KMT2E: variants seen among roughly 807,000 people sequenced by gnomAD.
KMT2E encodes histone reader KMT2E.
Under a neutral mutation model 184.6 loss-of-function variants are expected in KMT2E, and 30 were observed. That is an observed-to-expected ratio of 0.16 (90% confidence interval 0.12 to 0.22). KMT2E has a LOEUF of 0.22. Ranked by LOEUF, KMT2E falls within the 10% of genes least tolerant of loss-of-function variation. KMT2E has a pLI of 1.00. For missense variants in KMT2E, 2,023 were observed against 2,237.4 expected (o/e 0.90, Z 1.93); for synonymous variants, 815 against 776.5 (o/e 1.05, Z -0.82).
At chr7:105,042,764 T>C (rs1795937593) in intron 3 of KMT2E, among the ~76,000 whole-genome samples, 1 of 152,242 alleles carries the variant, frequency 6.6e-6, no homozygotes, top group Non-Finnish European at 1.5e-5. Context: ...CATACAAATA[T>C]TTAAAAATAA....
At chr7:105,062,316 AT>A (rs1796848729) in intron 4 of KMT2E, 38 bp downstream of exon 4, 2 of 1,410,286 alleles carry the variant, frequency 1.4e-6, no homozygotes, top group Non-Finnish European at 2.0e-6. Context: ...ACATTTTTAA[AT>A]TTAGAGATTG....
intron 16 of KMT2E, 73 bp downstream of exon 16, chr7:105,101,662 T>C (rs763076901): frequency 2.3e-5 from 29 of 1,248,650 alleles, no homozygotes; most frequent in Non-Finnish European, 2.7e-5. Context: ...ATTAATTACT[T>C]ATAAGGAATT....
intron 1 of KMT2E, among the ~76,000 whole-genome samples, chr7:105,036,549 A>C (rs989215594): frequency 6.6e-6 from 1 of 152,168 alleles, no homozygotes; most frequent in Non-Finnish European, 1.5e-5. Flanking sequence ...TGATTTGGCT[A>C]TTTATTAGTT....
In KMT2E at chr7:105,113,232, G is replaced by A; in HGVS notation, c.5476G>A (p.Gly1826Arg). 2 of 1,614,208 alleles carry A rather than the reference G, an allele frequency of 1.2e-6. No individual in the cohort carries two copies. The highest frequency in any genetic ancestry group is 1.7e-6 in the Non-Finnish European group (2 of 1,180,040). ...GSVALPHGVQGPQQASPVPGQ... is the reference protein window; with the variant it reads ...GSVALPHGVQRPQQASPVPGQ... ...TGTGGCCCTGCCACATGGGGTTCAA[G>A]GACCTCAGCAGGCATCTCCAGTGCC... Residue 1826 changes from glycine (G) to arginine (R), a missense_variant, in exon 27 of 27, where the codon GGA becomes AGA. Around this residue, in one of 8 missense-constraint regions of KMT2E, gnomAD observed 1,108 missense variants for 1,050.9 expected, o/e 1.05. Transcript: ENST00000311117.
At position 105,054,189 on chromosome 7, in the gene KMT2E, A is replaced by T. The variant is rs1021569178; in HGVS notation, c.72-7975A>T. Among the ~76,000 whole-genome samples, 7 of 145,520 alleles carry T rather than the reference A, an allele frequency of 4.8e-5. No homozygotes were observed. The South Asian group carries it at 6.5e-4, about 14-fold the overall frequency. On this transcript the variant is annotated intron_variant, in intron 3 of 26. Coordinates refer to ENST00000311117, the MANE Select transcript of KMT2E (RefSeq NM_182931.3). ...CTGTCTCAAAAAAAAAGGCTGCGAA[A>T]TTTTTTTTTTTTTTAAAGAAAGGCT...
chr7:105,028,212 A>G (rs1795250760), intron 1 of KMT2E, among the ~76,000 whole-genome samples: 2 of 148,910 alleles, frequency 1.3e-5, no homozygotes, highest in Admixed American at 1.4e-4. Flanking sequence ...TCTGTCGCCC[A>G]GGCTGGAGTG....
chr7:105,049,753 G>C (rs1363071255), intron 3 of KMT2E, among the ~76,000 whole-genome samples: 1 of 151,966 alleles, frequency 6.6e-6, no homozygotes, highest in Non-Finnish European at 1.5e-5. Context: ...TTAGCTGGCT[G>C]TAGTGGCGGG....
chr7:105,078,999 G>A (rs370337255), intron 12 of KMT2E, 36 bp downstream of exon 12: 7 of 1,115,466 alleles, frequency 6.3e-6, no homozygotes, highest in Non-Finnish European at 8.3e-6. Context: ...AGATGTGGGT[G>A]CTGGGGGTGT....
chr7:105,048,147 C>T (rs140543474), intron 3 of KMT2E, among the ~76,000 whole-genome samples: 1 of 152,216 alleles, frequency 6.6e-6, no homozygotes, highest in Non-Finnish European at 1.5e-5. Flanking sequence ...AGCAGTCGTC[C>T]TATCACAGCA....
intron 1 of KMT2E, among the ~76,000 whole-genome samples, chr7:105,017,631 A>C (rs544878492): frequency 1.3e-5 from 2 of 152,186 alleles, no homozygotes; most frequent in East Asian, 3.9e-4. Context: ...TTTTGTTCCC[A>C]GAGAGTTTTG....
chr7:105,072,030 G>T (rs960138972), intron 6 of KMT2E, among the ~76,000 whole-genome samples: 11 of 152,008 alleles, frequency 7.2e-5, no homozygotes, highest in Non-Finnish European at 7.4e-5. Context: ...ACCATTAGGA[G>T]GCCGGGCGCG....
In KMT2E at chr7:105,096,662, G is replaced by A. The variant is rs186082236; in HGVS notation, c.1723-4763G>A. Among the ~76,000 whole-genome samples the A allele has an allele frequency of 2.3e-3, 344 of 151,972 alleles. 3 individuals are homozygous for A. The highest frequency in any genetic ancestry group is 8.0e-3 in the African/African-American group (330 of 41,508). On this transcript the variant is annotated intron_variant, in intron 15 of 26. Coordinates refer to ENST00000311117, the MANE Select transcript of KMT2E (RefSeq NM_182931.3). ...CTCCTAGGGGAATAAAAAATGGTGG[G>A]CAAAAAAGTAGACCATCAATAAATG...
intron 13 of KMT2E, among the ~76,000 whole-genome samples, chr7:105,082,976 T>A (rs889381348): frequency 5.9e-5 from 9 of 152,210 alleles, no homozygotes; most frequent in African/African-American, 2.2e-4. Flanking sequence ...TCTGTTAATT[T>A]CTCTGGTGTG....
At chr7:105,083,274 A>C (rs1035162776) in intron 13 of KMT2E, among the ~76,000 whole-genome samples, 4 of 152,070 alleles carry the variant, frequency 2.6e-5, no homozygotes, top group African/African-American at 9.7e-5. Flanking sequence ...TAGTGTTGAC[A>C]TTCTTTTCCA....
At chr7:105,024,978 A>T (rs1795113530) in intron 1 of KMT2E, among the ~76,000 whole-genome samples, 1 of 152,126 alleles carries the variant, frequency 6.6e-6, no homozygotes, top group South Asian at 2.1e-4. Flanking sequence ...AGCAGTACAA[A>T]TTGGGATCAA....
chr7:105,049,870 G>A (rs564526357), intron 3 of KMT2E, among the ~76,000 whole-genome samples: 25 of 152,056 alleles, frequency 1.6e-4, no homozygotes, highest in Non-Finnish European at 2.8e-4. Flanking sequence ...CAGCCTGGGC[G>A]ACAAGAGCAA....
chr7:105,055,083 G>A (rs1796523729), intron 3 of KMT2E, among the ~76,000 whole-genome samples: 2 of 152,100 alleles, frequency 1.3e-5, no homozygotes, highest in South Asian at 4.1e-4. Flanking sequence ...ATTATTTACA[G>A]ATTACCCAAC....
At position 105,066,826 on chromosome 7, in the gene KMT2E, A is replaced by G. The variant is rs199580970; in HGVS notation, c.497+19A>G. ...AGCCTAGGTAAGTTGCACATATCTG[A>G]TAACATTGCCAGTAATTTTACTGAG... On this transcript the variant is annotated intron_variant, in intron 6 of 26. Transcript: ENST00000311117. 180 of 1,515,908 alleles carry G rather than the reference A, an allele frequency of 1.2e-4. No individual in the cohort carries two copies. The highest frequency in any genetic ancestry group is 1.5e-4 in the Non-Finnish European group (166 of 1,091,188). 93.9% of individuals were successfully genotyped at this position (1,515,908 alleles called of 1,614,324 possible).
chr7:105,017,698 GA>G (rs1211649672), intron 1 of KMT2E, among the ~76,000 whole-genome samples: 5 of 152,240 alleles, frequency 3.3e-5, no homozygotes, highest in Admixed American at 3.3e-4. Flanking sequence ...TAGGATAGCT[GA>G]GTTTGAAGGA....
Sources: gnomAD v4.1 joint callset for allele counts (sites outside exome capture counted in the v4.1 genomes callset) on GRCh38, gnomAD v4.1.1 for gene constraint, gnomAD v4.1.1 regional missense constraint, MANE v1.5 for transcripts, NCBI Gene and HGNC (gene_info 2026-07-23, HGNC 2026-07-21) for gene names.